Variants in CDH18 observed in about 807,000 individuals in gnomAD.
CDH18 encodes cadherin-18.
Under a neutral mutation model 67.9 loss-of-function variants are expected in CDH18, and 31 were observed. That is an observed-to-expected ratio of 0.46 (90% CI 0.34 to 0.62). CDH18 has a LOEUF of 0.62. CDH18 is among the 20% of genes least tolerant of loss of function. The probability of loss-of-function intolerance (pLI) is 0.01; values close to 1 mark genes in which losing one functional copy is unlikely to be tolerated. For missense variants in CDH18, 890 were observed against 975.5 expected, an observed-to-expected ratio of 0.91 and a Z score of 1.17; for synonymous variants, 362 against 347.2, an observed-to-expected ratio of 1.04 and a Z score of -0.48.
At chr5:19,727,957 G>T (rs533155627) in intron 4 of CDH18, among the ~76,000 whole-genome samples, 4 of 151,944 alleles carry the variant, frequency 2.6e-5, no homozygotes, top group Non-Finnish European at 5.9e-5. Context: ...CAAGTGAAAC[G>T]GATTATCAGT....
chr5:20,528,657 G>A (rs1300177603), intron 1 of CDH18, among the ~76,000 whole-genome samples: 3 of 151,960 alleles, frequency 2.0e-5, no homozygotes, highest in African/African-American at 7.3e-5. Flanking sequence ...TGACTTCCAA[G>A]TAAATGACAA....
intron 5 of CDH18, among the ~76,000 whole-genome samples, chr5:19,621,489 G>A (rs998621963): frequency 6.6e-5 from 10 of 151,788 alleles, no homozygotes; most frequent in African/African-American, 2.4e-4. Flanking sequence ...AATTATAATC[G>A]GGATCTCATA....
At chr5:20,556,915 A>T (rs1757935967) in intron 1 of CDH18, among the ~76,000 whole-genome samples, 1 of 152,120 alleles carries the variant, frequency 6.6e-6, no homozygotes. Context: ...TCGGAAGGAG[A>T]TATTACCTCA....
chr5:20,471,843 A>T (rs532294563), intron 1 of CDH18, among the ~76,000 whole-genome samples: 1 of 150,162 alleles, frequency 6.7e-6, no homozygotes, highest in African/African-American at 2.4e-5. Flanking sequence ...TAAAAAAAAA[A>T]AAAAAAAAGC....
At position 19,473,479 on chromosome 5, in the gene CDH18, AG is replaced by A; in HGVS notation, c.2119del (p.Leu707TrpfsTer4). On this transcript the variant is annotated frameshift_variant, in exon 13 of 13. Coordinates refer to ENST00000382275, the MANE Select transcript of CDH18 (RefSeq NM_004934.5). LOFTEE classifies it high-confidence loss of function. ...AAATTCCTGAACATCTATGCTTTCC[AG>A]GGTGGATGATGTCTGGTGTCTGGGA... ...LTPRHQTSST[L>X]ESIDVQEFIK... 1 of 1,613,766 alleles carries A rather than the reference AG, an allele frequency of 6.2e-7. No individual in the cohort carries two copies. Among genetic ancestry groups the A allele is most frequent in the Non-Finnish European group, 8.5e-7 (1 of 1,179,858 alleles).
chr5:19,716,026 C>A (rs1765299310), intron 5 of CDH18, among the ~76,000 whole-genome samples: 1 of 151,994 alleles, frequency 6.6e-6, no homozygotes, highest in South Asian at 2.1e-4. Context: ...ACCATGTTGG[C>A]CAGGCTAGTC....
At chr5:20,391,774 A>C (rs1744881663) in intron 1 of CDH18, among the ~76,000 whole-genome samples, 1 of 152,028 alleles carries the variant, frequency 6.6e-6, no homozygotes, top group Non-Finnish European at 1.5e-5. Flanking sequence ...CCTTGTTCAC[A>C]ATAGAAACAA....
At chr5:19,702,066 A>T (rs1763322233) in intron 5 of CDH18, among the ~76,000 whole-genome samples, 1 of 151,568 alleles carries the variant, frequency 6.6e-6, no homozygotes, top group South Asian at 2.1e-4. Flanking sequence ...CCTAAGGAAA[A>T]ATCCACCACG....
At position 19,952,520 on chromosome 5, in the gene CDH18, G is replaced by C. The variant is rs1308399019; in HGVS notation, c.-257+28540C>G. ...TGATACACAAACACACATCAGTCCA[G>C]TACCTTATGTGTCCTTCTTCCTAAT... On this transcript the variant is annotated intron_variant, in intron 2 of 12. Coordinates refer to ENST00000382275, the MANE Select transcript of CDH18 (RefSeq NM_004934.5). 3.3e-5 allele frequency among the ~76,000 whole-genome samples: 5 copies of C among 152,018 alleles called. 1 individual carries two copies. In the East Asian group the frequency reaches 9.6e-4, roughly 29 times the overall value.
intron 5 of CDH18, among the ~76,000 whole-genome samples, chr5:19,634,387 A>G (rs1282263738): frequency 6.6e-6 from 1 of 152,144 alleles, no homozygotes. Flanking sequence ...GATTAACTCT[A>G]TGGCGTTATG....
At chr5:19,594,519 C>T (rs1044917267) in intron 6 of CDH18, among the ~76,000 whole-genome samples, 14 of 152,106 alleles carry the variant, frequency 9.2e-5, no homozygotes, top group African/African-American at 3.4e-4. Flanking sequence ...GATTTTACTA[C>T]CTGTGTCTGG....
chr5:20,310,428 A>G (rs769210453), intron 1 of CDH18, among the ~76,000 whole-genome samples: 25 of 152,278 alleles, frequency 1.6e-4, no homozygotes, highest in Non-Finnish European at 2.5e-4. Context: ...ATTGGGGGAA[A>G]TATACCTAGA....
chr5:19,986,147 A>G (rs1369706631), intron 1 of CDH18, among the ~76,000 whole-genome samples: 2 of 152,214 alleles, frequency 1.3e-5, no homozygotes, highest in East Asian at 3.9e-4. Context: ...ATAAAGTTGG[A>G]ATAAATGACT....
intron 3 of CDH18, among the ~76,000 whole-genome samples, chr5:19,755,737 T>C (rs1362898067): frequency 2.0e-5 from 3 of 151,512 alleles, no homozygotes; most frequent in African/African-American, 7.3e-5. Flanking sequence ...GTCCCAAAAC[T>C]GAAGAACTTG....
intron 9 of CDH18, among the ~76,000 whole-genome samples, chr5:19,533,373 G>T (rs911174387): frequency 6.6e-6 from 1 of 151,922 alleles, no homozygotes; most frequent in East Asian, 1.9e-4. Flanking sequence ...GCAAAGTCAA[G>T]AGTCTTGTTA....
chr5:19,530,063 C>T (rs1449981328), intron 9 of CDH18, among the ~76,000 whole-genome samples: 1 of 152,152 alleles, frequency 6.6e-6, no homozygotes, highest in African/African-American at 2.4e-5. Context: ...CTATAGCAAT[C>T]ATAGCACCGT....
intron 1 of CDH18, among the ~76,000 whole-genome samples, chr5:20,463,424 G>T (rs1266347008): frequency 1.3e-5 from 2 of 152,072 alleles, no homozygotes; most frequent in Non-Finnish European, 2.9e-5. Context: ...AATTTATAAA[G>T]AAATTAGGTT....
At chr5:20,232,274 CA>C (rs1742137725) in intron 2 of CDH18, among the ~76,000 whole-genome samples, 1 of 151,768 alleles carries the variant, frequency 6.6e-6, no homozygotes, top group African/African-American at 2.4e-5. Flanking sequence ...CATGCTGTCA[CA>C]AATGATCTAT....
intron 3 of CDH18, among the ~76,000 whole-genome samples, chr5:19,780,942 A>C (rs924529356): frequency 2.6e-5 from 4 of 152,064 alleles, no homozygotes; most frequent in Admixed American, 6.6e-5. Flanking sequence ...GGCCTGCTGA[A>C]GTGGTTTCCT....
Sources: gnomAD v4.1 joint callset for allele counts (sites outside exome capture counted in the v4.1 genomes callset) on GRCh38, gnomAD v4.1.1 for gene constraint, MANE v1.5 for transcripts, NCBI Gene and HGNC (gene_info 2026-07-23, HGNC 2026-07-21) for gene names.